The following MOXD1 variants were observed in gnomAD, a reference collection of about 807,000 sequenced individuals.
MOXD1 encodes DBH-like monooxygenase protein 1.
In MOXD1, 62 loss-of-function variants were observed where a neutral mutation model predicts 66.6. That is an observed-to-expected ratio of 0.93 (90% CI 0.76 to 1.15). MOXD1 has a LOEUF of 1.15. Among genes scored for constraint, MOXD1 ranks in the 50% most tolerant of loss-of-function variants. The pLI is 0.00. For synonymous variants in MOXD1, 303 were observed against 281.9 expected, an observed-to-expected ratio of 1.07 and a Z score of -0.75; for missense variants, 847 against 754.6, an observed-to-expected ratio of 1.12 and a Z score of -1.44.
intron 8 of MOXD1, among the ~76,000 whole-genome samples, chr6:132,321,739 T>C (rs1775082326): frequency 6.6e-6 from 1 of 152,174 alleles, no homozygotes; most frequent in Non-Finnish European, 1.5e-5. Context: ...CCCAGAGACA[T>C]CATAATAAAA....
At chr6:132,324,236 G>T in intron 6 of MOXD1, 139 bp from the exon 7 acceptor site, 1 of 843,554 alleles carries the variant, frequency 1.2e-6, no homozygotes, top group Non-Finnish European at 1.8e-6. Flanking sequence ...ACTGTCATGA[G>T]GGAAAGGGAT....
intron 1 of MOXD1, 102 bp from the exon 2 acceptor site, chr6:132,374,879 A>G: frequency 1.7e-6 from 2 of 1,193,556 alleles, no homozygotes; most frequent in Non-Finnish European, 2.4e-6. Context: ...GAGTTATTTT[A>G]TAAATCCCGG....
intron 1 of MOXD1, among the ~76,000 whole-genome samples, chr6:132,386,880 G>T (rs1307446341): frequency 1.3e-5 from 2 of 150,912 alleles, no homozygotes; most frequent in Non-Finnish European, 3.0e-5. Flanking sequence ...ATATTTATTG[G>T]GTCTTCTCTT....
chr6:132,311,115 TC>T (rs35764879), intron 10 of MOXD1, among the ~76,000 whole-genome samples: 3 of 152,120 alleles, frequency 2.0e-5, no homozygotes, highest in Admixed American at 6.6e-5. Context: ...CAGAGAGATC[TC>T]CCAAGGGAAA....
chr6:132,318,895 C>T (rs1157314993), intron 9 of MOXD1, among the ~76,000 whole-genome samples: 4 of 152,040 alleles, frequency 2.6e-5, no homozygotes, highest in Non-Finnish European at 4.4e-5. Flanking sequence ...CCATTAGTGC[C>T]AGCATCCTTT....
At chr6:132,386,380 C>A (rs1405686492) in intron 1 of MOXD1, among the ~76,000 whole-genome samples, 2 of 144,630 alleles carry the variant, frequency 1.4e-5, no homozygotes, top group Non-Finnish European at 3.0e-5. Flanking sequence ...TCAGCCTGGG[C>A]GACAGAGCGA....
chr6:132,322,644 T>C (rs754727316), intron 8 of MOXD1, 35 bp downstream of exon 8: 3 of 1,584,582 alleles, frequency 1.9e-6, no homozygotes, highest in Non-Finnish European at 2.6e-6. Context: ...ATGACTTTCA[T>C]AACAGTCAAT....
intron 8 of MOXD1, among the ~76,000 whole-genome samples, chr6:132,322,431 T>G (rs1038820332): frequency 1.2e-4 from 19 of 152,178 alleles, no homozygotes; most frequent in Non-Finnish European, 4.4e-5. Context: ...AGATTTTTGT[T>G]TGGGGTTGTT....
chr6:132,328,677 A>T, intron 4 of MOXD1, 83 bp from the exon 5 acceptor site: 1 of 1,282,776 alleles, frequency 7.8e-7, no homozygotes, highest in Non-Finnish European at 1.1e-6. Flanking sequence ...ACTAGCATAA[A>T]TTACTGTCAG....
At chr6:132,374,893 T>A in intron 1 of MOXD1, 116 bp from the exon 2 acceptor site, 14 of 1,033,168 alleles carry the variant, frequency 1.4e-5, no homozygotes, top group Non-Finnish European at 1.7e-5. Flanking sequence ...ATCCCGGGAA[T>A]TTCCAAGGGG....
chr6:132,336,907 G>C (rs1280059544), intron 4 of MOXD1, among the ~76,000 whole-genome samples: 1 of 152,132 alleles, frequency 6.6e-6, no homozygotes, highest in Admixed American at 6.5e-5. Context: ...AGCCTATCTT[G>C]GAACTTTTCA....
At position 132,343,725 on chromosome 6, in the gene MOXD1, T is replaced by G. The variant is rs190800528; in HGVS notation, c.664-15131A>C. Among the ~76,000 whole-genome samples, 259 of 152,244 alleles carry G rather than the reference T, an allele frequency of 1.7e-3. 2 individuals carry two copies. Among genetic ancestry groups the G allele is most frequent in the Admixed American group, 8.1e-3 (124 of 15,288 alleles). ...TATTCACCTATCAGTTTGGCAACATTTAAAAAGTCTGTCAATAGGCGATTT... is the reference window on the plus strand; with the variant it reads ...TATTCACCTATCAGTTTGGCAACATGTAAAAAGTCTGTCAATAGGCGATTT... On this transcript the variant is annotated intron_variant, in intron 4 of 11. Coordinates refer to ENST00000367963, the MANE Select transcript of MOXD1 (RefSeq NM_015529.4).
chr6:132,348,110 T>C (rs1240301826), intron 4 of MOXD1, among the ~76,000 whole-genome samples: 2 of 152,308 alleles, frequency 1.3e-5, no homozygotes, highest in Middle Eastern at 3.4e-3. Context: ...CACACTGAAC[T>C]CACTTTTTCA....
In MOXD1 at chr6:132,322,708, A is replaced by G. The variant is rs925414584; in HGVS notation, c.1276T>C (p.Tyr426His). Reference protein sequence around the residue: ...DFDFNFQEFQYLKEEQTILPG... With the variant: ...DFDFNFQEFQHLKEEQTILPG... Reference sequence around the variant, plus strand: ...AAGATTGTTTGTTCTTCCTTTAGATACTGAAACTCCTGGAAATTGAAGTCA... The same window carrying G: ...AAGATTGTTTGTTCTTCCTTTAGATGCTGAAACTCCTGGAAATTGAAGTCA... Residue 426 changes from tyrosine to histidine, a missense_variant, in exon 8 of 12, where the codon TAT (tyrosine) becomes CAT (histidine). By Grantham distance (83) the Tyr-to-His change is moderately conservative (BLOSUM62 2). Transcript: ENST00000367963. 49 of 1,613,844 alleles carry G rather than the reference A, an allele frequency of 3.0e-5. No individual in the cohort carries two copies. Among genetic ancestry groups the G allele is most frequent in the Non-Finnish European group, 3.8e-5 (45 of 1,179,940 alleles).
chr6:132,333,903 A>G (rs116285165), intron 4 of MOXD1, among the ~76,000 whole-genome samples: 1,612 of 152,348 alleles, frequency 0.011, 34 homozygotes, highest in African/African-American at 0.035. Context: ...AACCTGAAAG[A>G]GGAAAACAGT....
At chr6:132,370,568 C>G (rs191626054) in intron 4 of MOXD1, among the ~76,000 whole-genome samples, 1 of 152,050 alleles carries the variant, frequency 6.6e-6, no homozygotes, top group East Asian at 1.9e-4. Flanking sequence ...GGTATTCTCA[C>G]ATAATAATAG....
At chr6:132,307,335 T>C (rs1215921901) in intron 10 of MOXD1, among the ~76,000 whole-genome samples, 1 of 152,154 alleles carries the variant, frequency 6.6e-6, no homozygotes, top group Non-Finnish European at 1.5e-5. Flanking sequence ...TAAATATATA[T>C]GCACTCAATA....
At position 132,296,229 on chromosome 6, in the gene MOXD1, T is replaced by C. The variant is rs576318602; in HGVS notation, c.*924A>G. 2.6e-5 allele frequency: 4 copies of C among 152,210 alleles called. No individual in the cohort carries two copies. In the East Asian group the frequency reaches 7.7e-4, roughly 29 times the overall value. 9.4% of individuals were successfully genotyped at this position (152,210 alleles called of 1,614,324 possible). A position where few individuals can be genotyped will look rare whatever the true frequency, so the allele number is the denominator to read the frequency against. Reference sequence around the variant, plus strand: ...AACTAATATAAAAATAAATCTACAATAGAACCATGACTTAAACTGAGCCAG... The same window carrying C: ...AACTAATATAAAAATAAATCTACAACAGAACCATGACTTAAACTGAGCCAG... On this transcript the variant is annotated 3_prime_UTR_variant, in exon 12 of 12. Coordinates refer to ENST00000367963, the MANE Select transcript of MOXD1 (RefSeq NM_015529.4).
At chr6:132,308,236 A>G (rs1476559738) in intron 10 of MOXD1, among the ~76,000 whole-genome samples, 1 of 152,106 alleles carries the variant, frequency 6.6e-6, no homozygotes, top group African/African-American at 2.4e-5. Context: ...CAGAGAATAT[A>G]AACACCTCTA....
Sources: gnomAD v4.1 joint callset for allele counts (sites outside exome capture counted in the v4.1 genomes callset) on GRCh38, gnomAD v4.1.1 for gene constraint, MANE v1.5 for transcripts, NCBI Gene and HGNC (gene_info 2026-07-23, HGNC 2026-07-21) for gene names.